The following BCL2L1 variants were observed in gnomAD, a reference collection of about 807,000 sequenced individuals.
The protein encoded by BCL2L1 is BCL2 like 1.
Under a neutral mutation model 18.7 loss-of-function variants are expected in BCL2L1, and 1 was observed. The observed-to-expected ratio is 0.05, with a 90% CI of 0.02 to 0.25. BCL2L1 has a LOEUF of 0.25. Among genes scored for constraint, BCL2L1 ranks in the 10% least tolerant of loss-of-function variants. The probability of loss-of-function intolerance (pLI) is 1.00; values close to 1 mark genes in which losing one functional copy is unlikely to be tolerated. For missense variants in BCL2L1, 207 were observed against 304.9 expected (o/e 0.68, Z 2.39); for synonymous variants, 103 against 122.7 (o/e 0.84, Z 1.06).
chr20:31,689,365 TG>T (rs1297360619), intron 2 of BCL2L1, among the ~76,000 whole-genome samples: 3 of 119,746 alleles, frequency 2.5e-5, no homozygotes, highest in African/African-American at 9.6e-5. Context: ...CTGAGGCGGG[TG>T]GATTGCTTGA....
intron 2 of BCL2L1, among the ~76,000 whole-genome samples, chr20:31,696,826 C>T (rs926279092): frequency 5.3e-5 from 8 of 151,920 alleles, no homozygotes; most frequent in African/African-American, 9.7e-5. Flanking sequence ...GAAGCCGAGG[C>T]GGGTGGATCA....
At chr20:31,674,578 A>G (rs1277364186) in intron 2 of BCL2L1, among the ~76,000 whole-genome samples, 1 of 152,138 alleles carries the variant, frequency 6.6e-6, no homozygotes, top group African/African-American at 2.4e-5. Flanking sequence ...GCTAAAGTGG[A>G]TAAGTGGCAG....
intron 2 of BCL2L1, among the ~76,000 whole-genome samples, chr20:31,716,455 A>C (rs1303821426): frequency 6.6e-6 from 1 of 152,052 alleles, no homozygotes; most frequent in Non-Finnish European, 1.5e-5. Context: ...AGTTTTGCTT[A>C]CTTTTGTTTA....
chr20:31,681,322 G>T (rs182072287), intron 2 of BCL2L1, among the ~76,000 whole-genome samples: 19 of 152,326 alleles, frequency 1.2e-4, no homozygotes, highest in Admixed American at 1.1e-3. Context: ...AGGGAAGTTG[G>T]TGAGAAGCAG....
At chr20:31,713,527 G>A (rs1214053826) in intron 2 of BCL2L1, 14 of 985,224 alleles carry the variant, frequency 1.4e-5, no homozygotes, top group African/African-American at 1.7e-5. Flanking sequence ...CTCCAGTTCC[G>A]AGGGGAGCAC....
intron 2 of BCL2L1, among the ~76,000 whole-genome samples, chr20:31,691,152 CAAAAAAAAAAAAAAAAAAAAAAA>C (rs539012918): frequency 1.6e-4 from 4 of 24,838 alleles, no homozygotes; most frequent in African/African-American, 2.4e-4. Context: ...GACTCTGTCT[CAAAAAAAAAAAAAAAAAAAAAAA>C]AAAAAAAAAA....
In BCL2L1 at chr20:31,666,193, G is replaced by A. The variant is rs774540387; in HGVS notation, c.565-107C>T. ...TATGGCCTTGGTGATGTGAAAAACT[G>A]TAGCCATCTGTGCCCACTCTGGGCC... On this transcript the variant is annotated intron_variant, in intron 2 of 2. Coordinates refer to ENST00000307677, the MANE Select transcript of BCL2L1 (RefSeq NM_138578.3). 2.5e-5 allele frequency: 36 copies of A among 1,415,162 alleles called. No homozygotes were observed. In the East Asian group the frequency reaches 7.6e-4, roughly 30 times the overall value. 87.7% of individuals were successfully genotyped at this position (1,415,162 alleles called of 1,614,324 possible). A position where few individuals can be genotyped will look rare whatever the true frequency, so the allele number is the denominator to read the frequency against.
rs539414864 is a variant in BCL2L1 at position 31,712,479 on chromosome 20, A to G, written c.564+9176T>C. ...AAGCACTCAATAAGTGTTAGATACT[A>G]TTAATAGTAATGTTAACAATAATAT... On this transcript the variant is annotated intron_variant, in intron 2 of 2. Transcript: ENST00000307677. Among the ~76,000 whole-genome samples, 8 of 152,370 alleles carry G rather than the reference A, an allele frequency of 5.3e-5. No individual in the cohort carries two copies. The South Asian group carries it at 1.2e-3, about 24-fold the overall frequency.
intron 2 of BCL2L1, among the ~76,000 whole-genome samples, chr20:31,719,412 C>T (rs1255938146): frequency 1.3e-5 from 2 of 152,160 alleles, no homozygotes; most frequent in Non-Finnish European, 2.9e-5. Flanking sequence ...CCAGTCGGTG[C>T]AGCTTGGAAC....
intron 2 of BCL2L1, among the ~76,000 whole-genome samples, chr20:31,699,790 C>T (rs1994249): frequency 0.29 from 44,285 of 152,068 alleles, 8,092 homozygotes; most frequent in African/African-American, 0.51. Flanking sequence ...GGCTAATGGA[C>T]CATTTAGCAC....
intron 2 of BCL2L1, among the ~76,000 whole-genome samples, chr20:31,696,147 TTGGTTCGTTC>T (rs2061165788): frequency 6.6e-6 from 1 of 152,208 alleles, no homozygotes; most frequent in Non-Finnish European, 1.5e-5. Flanking sequence ...AATAGGGACT[TTGGTTCGTTC>T]AGACTGTATG....
At chr20:31,669,125 G>A (rs888125891) in intron 2 of BCL2L1, among the ~76,000 whole-genome samples, 1 of 151,922 alleles carries the variant, frequency 6.6e-6, no homozygotes, top group African/African-American at 2.4e-5. Context: ...GCGCAATCAT[G>A]GCTCACTGCA....
intron 2 of BCL2L1, among the ~76,000 whole-genome samples, chr20:31,704,380 A>G (rs2061338562): frequency 1.3e-5 from 2 of 152,138 alleles, no homozygotes; most frequent in Non-Finnish European, 2.9e-5. Context: ...GATTACAGGC[A>G]TGAGCCACCG....
chr20:31,714,486 A>G (rs975690060), intron 2 of BCL2L1, among the ~76,000 whole-genome samples: 1 of 152,348 alleles, frequency 6.6e-6, no homozygotes, highest in Middle Eastern at 3.4e-3. Context: ...GGTCTCTGAC[A>G]TGCGTTCTGT....
At chr20:31,723,795 A>G (rs1311051135), upstream of BCL2L1, 1 of 985,258 alleles carries the variant, frequency 1.0e-6, no homozygotes, top group Non-Finnish European at 1.2e-6. Context: ...TAGCTTCCAG[A>G]CGCAAGAGCT....
intron 2 of BCL2L1, chr20:31,721,380 TAC>T (rs1568906139): frequency 2.2e-6 from 1 of 457,948 alleles, no homozygotes; most frequent in Non-Finnish European, 3.9e-6. Context: ...ACACATAGGC[TAC>T]AGTTTTCTTT....
At chr20:31,711,889 T>C (rs892621490) in intron 2 of BCL2L1, among the ~76,000 whole-genome samples, 1 of 152,220 alleles carries the variant, frequency 6.6e-6, no homozygotes, top group African/African-American at 2.4e-5. Context: ...TACAGACTAC[T>C]AAGACAGTAG....
chr20:31,715,845 T>A (rs1342678013), intron 2 of BCL2L1, among the ~76,000 whole-genome samples: 1 of 152,124 alleles, frequency 6.6e-6, no homozygotes, highest in Non-Finnish European at 1.5e-5. Flanking sequence ...TTATTTTTAT[T>A]TTTTGAGACA....
chr20:31,681,702 A>ACTGTGGGAG (rs1215812632), intron 2 of BCL2L1, among the ~76,000 whole-genome samples: 1 of 152,228 alleles, frequency 6.6e-6, no homozygotes, highest in African/African-American at 2.4e-5. Context: ...TTAGATGTGG[A>ACTGTGGGAG]CTGTGGGAGT....
Sources: allele counts gnomAD v4.1 joint callset (sites outside exome capture counted in the v4.1 genomes callset), GRCh38; gene constraint gnomAD v4.1.1; transcripts MANE v1.5; gene names NCBI Gene and HGNC (gene_info 2026-07-23, HGNC 2026-07-21).